Variants in RNF24 observed in about 807,000 individuals in gnomAD.
RNF24 encodes ring finger protein 24.
Under a neutral mutation model 20.0 loss-of-function variants are expected in RNF24, and 14 were observed. The ratio of observed to expected loss-of-function variants is 0.70; its 90% CI spans 0.46 to 1.10. The LOEUF (loss-of-function observed/expected upper bound fraction) is 1.10, where lower values mean the gene tolerates loss of function less well. Ranked by LOEUF, RNF24 falls within the 50% of genes least tolerant of loss-of-function variation. The pLI, the probability that RNF24 is intolerant of heterozygous loss-of-function variation, is 0.00. For synonymous variants in RNF24, 45 were observed against 61.1 expected, an observed-to-expected ratio of 0.74 and a Z score of 1.23; for missense variants, 124 against 177.6, an observed-to-expected ratio of 0.70 and a Z score of 1.71.
intron 4 of RNF24, among the ~76,000 whole-genome samples, chr20:3,942,190 G>GTTTTTT (rs2090964917): frequency 6.7e-6 from 1 of 150,138 alleles, no homozygotes. Flanking sequence ...TTTTTTTGAG[G>GTTTTTT]TAGGTTCTTG....
intron 3 of RNF24, among the ~76,000 whole-genome samples, chr20:3,947,751 CAAAAG>C (rs1278053685): frequency 2.0e-5 from 3 of 152,094 alleles, no homozygotes; most frequent in African/African-American, 4.8e-5. Flanking sequence ...GTAATGCTTA[CAAAAG>C]AAGAGAAAAG....
At chr20:3,978,673 G>A (rs1979113268) in intron 1 of RNF24, among the ~76,000 whole-genome samples, 1 of 152,014 alleles carries the variant, frequency 6.6e-6, no homozygotes, top group African/African-American at 2.4e-5. Flanking sequence ...AAAGCAAGCA[G>A]GAGTGCTAAT....
intron 1 of RNF24, among the ~76,000 whole-genome samples, chr20:3,980,442 G>A (rs543293453): frequency 4.6e-4 from 70 of 152,236 alleles, no homozygotes; most frequent in Admixed American, 7.9e-4. Flanking sequence ...TCACGTCCTG[G>A]GTGAGATGCA....
intron 2 of RNF24, among the ~76,000 whole-genome samples, chr20:3,951,614 G>A (rs1330350908): frequency 6.6e-6 from 1 of 151,976 alleles, no homozygotes; most frequent in Non-Finnish European, 1.5e-5. Flanking sequence ...TCATTTATTT[G>A]TGCAATTATT....
At position 3,933,226 on chromosome 20, in the gene RNF24, C is replaced by T. The variant is rs931746309; in HGVS notation, c.*837G>A. 15 of 398,288 alleles carry T rather than the reference C, an allele frequency of 3.8e-5. No homozygotes were observed. The highest frequency in any genetic ancestry group is 6.2e-4 in the Middle Eastern group (1 of 1,610). The allele number at this position is 398,288 out of a possible 1,614,324, so 24.7% of individuals were successfully genotyped here. On this transcript the variant is annotated 3_prime_UTR_variant, in exon 6 of 6. Coordinates refer to ENST00000358395, the MANE Select transcript of RNF24 (RefSeq NM_001134337.3). Reference sequence around the variant, plus strand: ...AAAGCCACTGCTCTTTGGAGCCACTCGAGAGGTTCACAGTGGCTCCCTTCT... The same window carrying T: ...AAAGCCACTGCTCTTTGGAGCCACTTGAGAGGTTCACAGTGGCTCCCTTCT...
At chr20:3,958,127 A>G (rs2091163147) in intron 2 of RNF24, among the ~76,000 whole-genome samples, 1 of 152,202 alleles carries the variant, frequency 6.6e-6, no homozygotes, top group African/African-American at 2.4e-5. Context: ...TGGCTACAAT[A>G]TATTTTGTTT....
intron 2 of RNF24, among the ~76,000 whole-genome samples, chr20:3,951,284 T>G (rs2091078766): frequency 6.6e-6 from 1 of 152,166 alleles, no homozygotes; most frequent in Non-Finnish European, 1.5e-5. Context: ...TGAGAGTTCC[T>G]TAGTCTTTCC....
chr20:3,988,563 A>C (rs896599110), intron 1 of RNF24, among the ~76,000 whole-genome samples: 3 of 151,414 alleles, frequency 2.0e-5, no homozygotes, highest in Non-Finnish European at 4.4e-5. Context: ...GGGCTCAAGC[A>C]ATCCTTCTGC....
At chr20:3,971,949 G>A (rs987304647) in intron 1 of RNF24, among the ~76,000 whole-genome samples, 10 of 152,094 alleles carry the variant, frequency 6.6e-5, no homozygotes, top group Non-Finnish European at 1.5e-4. Context: ...TGTTGAAAAG[G>A]ATGGAAAAAG....
chr20:3,958,473 C>T (rs2091166386), intron 2 of RNF24, among the ~76,000 whole-genome samples: 1 of 152,204 alleles, frequency 6.6e-6, no homozygotes, highest in Non-Finnish European at 1.5e-5. Context: ...TCTACCATCC[C>T]TTTCCCTATG....
chr20:3,970,046 T>C (rs1330312320), intron 1 of RNF24, among the ~76,000 whole-genome samples: 2 of 152,122 alleles, frequency 1.3e-5, no homozygotes, highest in Admixed American at 6.5e-5. Context: ...AGAGACTACA[T>C]GTGGACCCTG....
chr20:3,946,553 G>T (rs901286024), intron 3 of RNF24, among the ~76,000 whole-genome samples: 11 of 151,856 alleles, frequency 7.2e-5, no homozygotes, highest in Non-Finnish European at 1.5e-4. Flanking sequence ...GCCGGGGGTG[G>T]TGGTGTGCGC....
At chr20:3,954,898 C>CAAA (rs778645873) in intron 2 of RNF24, among the ~76,000 whole-genome samples, 2 of 116,404 alleles carry the variant, frequency 1.7e-5, no homozygotes, top group African/African-American at 6.5e-5. Context: ...GACTCCATCT[C>CAAA]AAGAAAAAAA....
intron 2 of RNF24, among the ~76,000 whole-genome samples, chr20:3,962,233 G>A (rs767154652): frequency 2.0e-5 from 3 of 152,122 alleles, no homozygotes; most frequent in Non-Finnish European, 2.9e-5. Context: ...GCAGGCACCT[G>A]TAGTCCCAGC....
intron 1 of RNF24, among the ~76,000 whole-genome samples, chr20:3,986,093 T>A (rs1374033333): frequency 6.6e-6 from 1 of 152,136 alleles, no homozygotes; most frequent in East Asian, 1.9e-4. Context: ...CTATTTTCAA[T>A]GTAAATCATT....
At chr20:3,972,587 A>T (rs1978443340) in intron 1 of RNF24, among the ~76,000 whole-genome samples, 1 of 152,212 alleles carries the variant, frequency 6.6e-6, no homozygotes, top group Non-Finnish European at 1.5e-5. Flanking sequence ...AATTTTTAAA[A>T]ATACACTGAA....
rs2090858120 is a variant in RNF24 at position 3,933,960 on chromosome 20, C to T, written c.*103G>A. 1.7e-5 allele frequency: 20 copies of T among 1,169,762 alleles called. No individual in the cohort carries two copies. The highest frequency in any genetic ancestry group is 2.2e-5 in the Non-Finnish European group (20 of 889,054). The allele number at this position is 1,169,762 out of a possible 1,614,324, so 72.5% of individuals were successfully genotyped here. On this transcript the variant is annotated 3_prime_UTR_variant, in exon 6 of 6. Transcript: ENST00000358395. Reference sequence around the variant, plus strand: ...GTTCTTCATGAGGCAAAAGAAGTGGCAGCTGGTGTCCTAGGTAGAGAGCAG... The same window carrying T: ...GTTCTTCATGAGGCAAAAGAAGTGGTAGCTGGTGTCCTAGGTAGAGAGCAG...
At chr20:3,990,026 AAGAG>A (rs751106005) in intron 1 of RNF24, among the ~76,000 whole-genome samples, 1 of 152,136 alleles carries the variant, frequency 6.6e-6, no homozygotes, top group African/African-American at 2.4e-5. Flanking sequence ...ATTAGAGAGA[AAGAG>A]AGAGAGATGG....
rs547229504 is a variant in RNF24, at chr20:3,936,980, G to A, written c.229-1907C>T. On this transcript the variant is annotated intron_variant, in intron 4 of 5. Coordinates refer to ENST00000358395, the MANE Select transcript of RNF24 (RefSeq NM_001134337.3). The stretch of plus-strand genomic sequence containing the variant: ...GACTCCCGAATAGCTGGGACTACAG[G>A]TGCATGCCAACCATACCCGGCTAAT... Among the ~76,000 whole-genome samples, 52 of 152,200 alleles carry A rather than the reference G, an allele frequency of 3.4e-4. No individual in the cohort carries two copies. The South Asian group carries it at 7.3e-3, about 21-fold the overall frequency.
Sources: allele counts gnomAD v4.1 joint callset (sites outside exome capture counted in the v4.1 genomes callset), GRCh38; gene constraint gnomAD v4.1.1; transcripts MANE v1.5; gene names NCBI Gene and HGNC (gene_info 2026-07-23, HGNC 2026-07-21).